The following RGL1 variants were observed in gnomAD, a reference collection of about 807,000 sequenced individuals.
RGL1 encodes the protein ral guanine nucleotide dissociation stimulator-like 1.
In RGL1, 24 loss-of-function variants were observed where a neutral mutation model predicts 95.2. The ratio of observed to expected loss-of-function variants is 0.25; its 90% CI spans 0.18 to 0.35. The LOEUF is 0.35. Among genes scored for constraint, RGL1 ranks in the 10% least tolerant of loss-of-function variants. The pLI is 1.00. For missense variants in RGL1, 715 were observed against 936.3 expected, an observed-to-expected ratio of 0.76 and a Z score of 3.08; for synonymous variants, 329 against 344.9, an observed-to-expected ratio of 0.95 and a Z score of 0.51.
intron 9 of RGL1, among the ~76,000 whole-genome samples, chr1:183,892,725 A>C (rs1490983654): frequency 1.3e-5 from 2 of 152,232 alleles, no homozygotes; most frequent in Non-Finnish European, 2.9e-5. Context: ...TTCTAGAAAT[A>C]TGAAGGTGAC....
intron 2 of RGL1, among the ~76,000 whole-genome samples, chr1:183,817,594 C>G (rs955804181): frequency 1.3e-5 from 2 of 152,186 alleles, no homozygotes; most frequent in African/African-American, 4.8e-5. Flanking sequence ...ATACTTGAAC[C>G]CCAGCATTCA....
Position 183,664,839 on chromosome 1 carries a change from A to G in RGL1, c.-33+28338A>G, listed in dbSNP as rs1651921342. 2.0e-5 allele frequency among the ~76,000 whole-genome samples: 3 copies of G among 151,970 alleles called. No homozygotes were observed. The South Asian group carries it at 6.2e-4, about 31-fold the overall frequency. On this transcript the variant is annotated intron_variant, in intron 1 of 18. Transcript: ENST00000304685. ...ATGATCATGTCATCTGCAAACAAAGACAGTTTTATTTCCTCCTTTCCAACC... is the reference window on the plus strand; with the variant it reads ...ATGATCATGTCATCTGCAAACAAAGGCAGTTTTATTTCCTCCTTTCCAACC...
intron 3 of RGL1, among the ~76,000 whole-genome samples, chr1:183,858,709 C>T (rs947890457): frequency 6.6e-6 from 1 of 152,024 alleles, no homozygotes; most frequent in African/African-American, 2.4e-5. Flanking sequence ...TTTTTGTGAA[C>T]TTAGCCCTTG....
intron 2 of RGL1, among the ~76,000 whole-genome samples, chr1:183,775,107 T>G (rs1361159030): frequency 6.6e-6 from 1 of 152,176 alleles, no homozygotes; most frequent in Non-Finnish European, 1.5e-5. Flanking sequence ...TAAGACTGAT[T>G]TCCCATCTCC....
chr1:183,773,637 T>C (rs1659423017), intron 2 of RGL1, among the ~76,000 whole-genome samples: 1 of 152,208 alleles, frequency 6.6e-6, no homozygotes, highest in Non-Finnish European at 1.5e-5. Context: ...ATGTGTGTAG[T>C]AAAAATAATG....
intron 2 of RGL1, among the ~76,000 whole-genome samples, chr1:183,809,711 A>G (rs1426362309): frequency 1.3e-5 from 2 of 152,214 alleles, no homozygotes; most frequent in Non-Finnish European, 2.9e-5. Flanking sequence ...TTGAGAGGCC[A>G]AGGCAGGCTA....
intron 4 of RGL1, 80 bp downstream of exon 4, chr1:183,866,153 T>A (rs1665822536): frequency 1.7e-6 from 2 of 1,183,388 alleles, no homozygotes; most frequent in East Asian, 2.4e-5. Context: ...ATTTTATTCC[T>A]TTGAATGTTG....
intron 2 of RGL1, among the ~76,000 whole-genome samples, chr1:183,811,971 G>A (rs1378321845): frequency 6.6e-6 from 1 of 152,140 alleles, no homozygotes; most frequent in Non-Finnish European, 1.5e-5. Context: ...AGAGAAATAA[G>A]GTAAATACTG....
chr1:183,899,320 T>C (rs981235095), intron 10 of RGL1, among the ~76,000 whole-genome samples: 1 of 152,246 alleles, frequency 6.6e-6, no homozygotes, highest in African/African-American at 2.4e-5. Flanking sequence ...CAATCCGGCA[T>C]ACCAACTGCA....
intron 2 of RGL1, among the ~76,000 whole-genome samples, chr1:183,743,045 T>A (rs1657409292): frequency 6.6e-6 from 1 of 152,110 alleles, no homozygotes. Flanking sequence ...AGGATCTTGC[T>A]CTTCTGTCCA....
intron 2 of RGL1, among the ~76,000 whole-genome samples, chr1:183,785,039 G>T: frequency 6.6e-6 from 1 of 151,984 alleles, no homozygotes; most frequent in South Asian, 2.1e-4. Context: ...ATTTATAAGC[G>T]GCTCACATTA....
chr1:183,787,475 C>G (rs1480046697), intron 2 of RGL1, among the ~76,000 whole-genome samples: 2 of 152,174 alleles, frequency 1.3e-5, no homozygotes, highest in African/African-American at 4.8e-5. Context: ...TAAGTATTTC[C>G]AAGGTGGGAA....
chr1:183,896,879 A>G (rs1232594300), intron 9 of RGL1, among the ~76,000 whole-genome samples: 2 of 152,216 alleles, frequency 1.3e-5, no homozygotes, highest in East Asian at 3.8e-4. Flanking sequence ...AAGAGTTCCA[A>G]ACCTGAGAGG....
chr1:183,832,829 G>A (rs1025726295), intron 2 of RGL1, among the ~76,000 whole-genome samples: 1 of 152,140 alleles, frequency 6.6e-6, no homozygotes, highest in Non-Finnish European at 1.5e-5. Context: ...AATTGTTGTT[G>A]TTATTGTTAT....
At chr1:183,818,665 C>A (rs565487674) in intron 2 of RGL1, among the ~76,000 whole-genome samples, 16 of 152,318 alleles carry the variant, frequency 1.1e-4, no homozygotes, top group African/African-American at 3.8e-4. Flanking sequence ...AATTAATCAT[C>A]ATATTCCCGT....
chr1:183,782,851 A>C (rs1444047694), intron 2 of RGL1, among the ~76,000 whole-genome samples: 1 of 152,120 alleles, frequency 6.6e-6, no homozygotes, highest in Non-Finnish European at 1.5e-5. Context: ...TGGCAAAATG[A>C]GAGGGTAGTC....
At chr1:183,662,903 C>T (rs146273832) in intron 1 of RGL1, among the ~76,000 whole-genome samples, 1,893 of 152,160 alleles carry the variant, frequency 0.012, 42 homozygotes, top group African/African-American at 0.042. Context: ...TCACAAATAA[C>T]GCCGCATATC....
intron 14 of RGL1, among the ~76,000 whole-genome samples, chr1:183,909,950 CTG>C (rs1323685310): frequency 5.3e-5 from 8 of 152,000 alleles, no homozygotes; most frequent in Admixed American, 3.9e-4. Flanking sequence ...TCAATACTGA[CTG>C]TTACTTTCAC....
At chr1:183,651,946 C>T (rs865827950) in intron 1 of RGL1, among the ~76,000 whole-genome samples, 1 of 152,196 alleles carries the variant, frequency 6.6e-6, no homozygotes, top group Non-Finnish European at 1.5e-5. Context: ...CCCAAACTTT[C>T]ATGCTTTTTA....
Sources: allele counts gnomAD v4.1 joint callset (sites outside exome capture counted in the v4.1 genomes callset), GRCh38; gene constraint gnomAD v4.1.1; transcripts MANE v1.5; gene names NCBI Gene and HGNC (gene_info 2026-07-23, HGNC 2026-07-21).